The following COL27A1 variants were observed in gnomAD, a reference collection of about 807,000 sequenced individuals.
COL27A1 encodes the protein collagen type XXVII alpha 1 chain.
COL27A1 carries 106 observed loss-of-function variants against 251.3 expected under a neutral mutation model. That is an observed-to-expected ratio of 0.42 (90% CI 0.36 to 0.50). COL27A1 has a LOEUF of 0.50. Ranked by LOEUF, COL27A1 falls within the 20% of genes least tolerant of loss-of-function variation. The pLI is 0.00. For missense variants in COL27A1, 2,325 were observed against 2,522.8 expected, an observed-to-expected ratio of 0.92 and a Z score of 1.68; for synonymous variants, 1,000 against 986.3, an observed-to-expected ratio of 1.01 and a Z score of -0.26.
chr9:114,310,480 G>A, intron 60 of COL27A1, 69 bp from the exon 61 acceptor site: 1 of 1,563,944 alleles, frequency 6.4e-7, no homozygotes, highest in Non-Finnish European at 8.8e-7. Flanking sequence ...AAGATGGAAG[G>A]GAAAATGCTC....
intron 19 of COL27A1, among the ~76,000 whole-genome samples, chr9:114,238,295 G>A (rs1364447474): frequency 2.0e-5 from 3 of 152,192 alleles, no homozygotes; most frequent in East Asian, 3.8e-4. Context: ...TGATCAACTC[G>A]GAATTCACAT....
In COL27A1 at chr9:114,168,893, C is replaced by T; in HGVS notation, c.1338C>T (p.Thr446=). ...PPPSTRPLPP[T]TSSSKKPIPT... Reference sequence around the variant, plus strand: ...CCAGCACCCGGCCCCTACCTCCTACCACCAGCTCCTCTAAAAAACCCATTC... The same window carrying T: ...CCAGCACCCGGCCCCTACCTCCTACTACCAGCTCCTCTAAAAAACCCATTC... Residue 446 remains threonine (T), a synonymous_variant, in exon 3 of 61, where the codon ACC becomes ACT. Transcript: ENST00000356083. 1 of 1,614,110 alleles carries T rather than the reference C, an allele frequency of 6.2e-7. No homozygotes were observed.
At chr9:114,205,448 C>T (rs1475136808) in intron 8 of COL27A1, among the ~76,000 whole-genome samples, 1 of 152,240 alleles carries the variant, frequency 6.6e-6, no homozygotes, top group Non-Finnish European at 1.5e-5. Flanking sequence ...TACTCACCGC[C>T]ACGGGGTTTG....
intron 24 of COL27A1, among the ~76,000 whole-genome samples, chr9:114,248,795 A>G (rs1426507608): frequency 6.6e-6 from 1 of 152,224 alleles, no homozygotes; most frequent in Non-Finnish European, 1.5e-5. Context: ...AGGACCCAAC[A>G]TCTCATAAAT....
intron 2 of COL27A1, among the ~76,000 whole-genome samples, chr9:114,163,351 G>A (rs1045710545): frequency 4.6e-5 from 7 of 151,474 alleles, no homozygotes; most frequent in Non-Finnish European, 7.4e-5. Flanking sequence ...AAGTTACTCC[G>A]GTTTTAAGCC....
In COL27A1 at chr9:114,157,346, ACCTCTGCTCTCCAGCATG is replaced by A. The variant is rs376821089; in HGVS notation, c.62+1362_62+1379del. On this transcript the variant is annotated intron_variant, in intron 1 of 60. Coordinates refer to ENST00000356083, the MANE Select transcript of COL27A1 (RefSeq NM_032888.4). ...ATCATGTGCGCTCTGGCGCCAGCAT[ACCTCTGCTCTCCAGCATG>A]CCTCTGCTCTCCAGCATGCCTCTGC... Among the ~76,000 whole-genome samples, 283 of 152,212 alleles carry A rather than the reference ACCTCTGCTCTCCAGCATG, an allele frequency of 1.9e-3. 2 individuals are homozygous for A. Among genetic ancestry groups the A allele is most frequent in the Middle Eastern group, 6.8e-3 (2 of 294 alleles).
chr9:114,180,501 G>A (rs1188372952), intron 4 of COL27A1, among the ~76,000 whole-genome samples: 1 of 152,038 alleles, frequency 6.6e-6, no homozygotes, highest in African/African-American at 2.4e-5. Flanking sequence ...CTCCCTGCCC[G>A]CCGTCCCACC....
At chr9:114,300,015 C>A in intron 49 of COL27A1, 55 bp from the exon 50 acceptor site, 2 of 1,578,376 alleles carry the variant, frequency 1.3e-6, no homozygotes, top group Non-Finnish European at 1.7e-6. Context: ...AGGTGGCTGG[C>A]GGGACACGCT....
Position 114,290,155 on chromosome 9 carries a change from C to A in COL27A1, c.4260+44C>A, listed in dbSNP as rs764345658. Reference sequence around the variant, plus strand: ...TGTTTCCAGCCAACCTCCCTGCCCGCCCCCCACACCCGCCCTCCTCCCACT... The same window carrying A: ...TGTTTCCAGCCAACCTCCCTGCCCGACCCCCACACCCGCCCTCCTCCCACT... On this transcript the variant is annotated intron_variant, in intron 46 of 60. Transcript: ENST00000356083. This position sits in a 1 kb window ranked among gnomAD's most constrained non-coding sequence, Gnocchi z 4.6. 1.3e-6 allele frequency: 2 copies of A among 1,590,046 alleles called. No individual in the cohort carries two copies. The highest frequency in any genetic ancestry group is 1.7e-6 in the Non-Finnish European group (2 of 1,162,660).
rs1003403359 is a variant in COL27A1, at chr9:114,168,601, G to T, written c.1046G>T (p.Arg349Leu). 2 of 1,614,052 alleles carry T rather than the reference G, an allele frequency of 1.2e-6. No individual in the cohort carries two copies. Among genetic ancestry groups the T allele is most frequent in the Middle Eastern group, 3.3e-4 (2 of 6,062 alleles). ...ASVGGSTRTP[R>L]PAAAQPSQKI... The stretch of plus-strand genomic sequence containing the variant: ...GTTGGCGGCTCTACCAGAACGCCTC[G>T]CCCTGCGGCCGCTCAACCATCACAG... Residue 349 changes from arginine to leucine, a missense_variant, in exon 3 of 61, where the codon CGC (arginine) becomes CTC (leucine). By Grantham distance (102) the Arg-to-Leu change is moderately radical. This residue lies in a region of COL27A1 where 1,183 missense variants were observed against 1,144.1 expected (regional missense o/e 1.03). Coordinates refer to ENST00000356083, the MANE Select transcript of COL27A1 (RefSeq NM_032888.4).
intron 23 of COL27A1, among the ~76,000 whole-genome samples, chr9:114,245,447 G>A (rs538660607): frequency 3.3e-5 from 5 of 152,178 alleles, no homozygotes; most frequent in East Asian, 1.9e-4. Flanking sequence ...GTGAGCCACC[G>A]CACCTGGCCC....
chr9:114,164,637 G>C (rs1223193251), intron 2 of COL27A1, among the ~76,000 whole-genome samples: 1 of 152,204 alleles, frequency 6.6e-6, no homozygotes. Context: ...AGGGACTAAA[G>C]GAAGGACCAA....
chr9:114,273,662 C>T (rs1053324975), intron 36 of COL27A1: 7 of 152,330 alleles, frequency 4.6e-5, no homozygotes, highest in African/African-American at 1.7e-4. Flanking sequence ...CCTCGTAAAC[C>T]TTGGCACTGG....
rs572322244 is a variant in COL27A1, at chr9:114,292,214, A to G, written c.4584+4A>G. 38 of 1,550,712 alleles carry G rather than the reference A, an allele frequency of 2.5e-5. No individual in the cohort carries two copies. In the South Asian group the frequency reaches 4.2e-4, roughly 17 times the overall value. ...GCCTGGGTCCAAAGGCCAGCCGGTG[A>G]GTGAGCGCCAAAGAATACACATGCC... On this transcript the variant is annotated splice_donor_region_variant and intron_variant, in intron 49 of 60. Transcript: ENST00000356083.
intron 7 of COL27A1, among the ~76,000 whole-genome samples, chr9:114,201,841 T>G (rs946891714): frequency 6.6e-6 from 1 of 152,192 alleles, no homozygotes; most frequent in East Asian, 1.9e-4. Flanking sequence ...TTGAGTGGCT[T>G]TGTGGCTCTT....
chr9:114,189,044 A>G (rs1019590834), intron 5 of COL27A1, among the ~76,000 whole-genome samples: 10 of 152,008 alleles, frequency 6.6e-5, no homozygotes, highest in African/African-American at 2.4e-4. Context: ...GTTATCCTTT[A>G]AAAAAAATAA....
At chr9:114,264,117 C>T (rs527898587) in intron 28 of COL27A1, among the ~76,000 whole-genome samples, 2 of 152,366 alleles carry the variant, frequency 1.3e-5, no homozygotes, top group Non-Finnish European at 2.9e-5. Flanking sequence ...CCCCAGCCCC[C>T]TTCTGGAAGC....
At chr9:114,219,942 A>C (rs1830963435) in intron 13 of COL27A1, 98 bp downstream of exon 13, 1 of 903,452 alleles carries the variant, frequency 1.1e-6, no homozygotes, top group African/African-American at 1.6e-5. Flanking sequence ...GACCTGGGTC[A>C]AATCCCAGCC....
At chr9:114,294,107 G>A (rs1227896108) in intron 49 of COL27A1, among the ~76,000 whole-genome samples, 1 of 151,036 alleles carries the variant, frequency 6.6e-6, no homozygotes, top group East Asian at 1.9e-4. Flanking sequence ...AATTAGCCAG[G>A]CGTGGTGGCG....
Sources: allele counts gnomAD v4.1 joint callset (sites outside exome capture counted in the v4.1 genomes callset), GRCh38; gene constraint gnomAD v4.1.1; regional missense constraint gnomAD v4.1.1; non-coding constraint Gnocchi (gnomAD v3.1); transcripts MANE v1.5; gene names NCBI Gene and HGNC (gene_info 2026-07-23, HGNC 2026-07-21).